CREB5: variants seen among roughly 807,000 people sequenced by gnomAD.
The protein encoded by CREB5 is cAMP responsive element binding protein 5, also known as cyclic AMP-responsive element-binding protein 5.
A neutral mutation model predicts 57.1 loss-of-function variants in CREB5; 19 were observed. The ratio of observed to expected loss-of-function variants is 0.33; its 90% CI spans 0.23 to 0.49. CREB5 has a LOEUF of 0.49. CREB5 is among the 20% of genes least tolerant of loss of function. CREB5 has a pLI of 0.99. For synonymous variants in CREB5, 238 were observed against 238.3 expected, an observed-to-expected ratio of 1.00 and a Z score of 0.01; for missense variants, 579 against 671.6, an observed-to-expected ratio of 0.86 and a Z score of 1.52.
chr7:28,325,221 C>A (rs1174011780), intron 1 of CREB5, among the ~76,000 whole-genome samples: 1 of 152,152 alleles, frequency 6.6e-6, no homozygotes, highest in Non-Finnish European at 1.5e-5. Flanking sequence ...CTTTGGGAGG[C>A]CGAGGTGGGT....
intron 7 of CREB5, among the ~76,000 whole-genome samples, chr7:28,745,759 G>C (rs77030562): frequency 0.036 from 5,463 of 152,254 alleles, 154 homozygotes; most frequent in African/African-American, 0.072. Flanking sequence ...CTTACCCCTG[G>C]CAGTCCTTGA....
At chr7:28,322,828 C>A (rs1455841549) in intron 1 of CREB5, among the ~76,000 whole-genome samples, 1 of 152,190 alleles carries the variant, frequency 6.6e-6, no homozygotes, top group Non-Finnish European at 1.5e-5. Context: ...ATATGTGCCA[C>A]ATTGTCTTTA....
upstream of CREB5, chr7:28,410,212 G>C (rs540085278): frequency 7.5e-5 from 34 of 452,850 alleles, no homozygotes; most frequent in Non-Finnish European, 1.2e-4. Flanking sequence ...CGCTCCAGGC[G>C]CTCCGGGCTG....
chr7:28,704,313 GT>G (rs1297560078), intron 5 of CREB5, among the ~76,000 whole-genome samples: 1 of 152,136 alleles, frequency 6.6e-6, no homozygotes, highest in African/African-American at 2.4e-5. Context: ...TCAGCTAAAT[GT>G]TACTTGCACT....
At chr7:28,329,069 ACT>A (rs1417496481) in intron 1 of CREB5, among the ~76,000 whole-genome samples, 6 of 152,062 alleles carry the variant, frequency 3.9e-5, no homozygotes, top group Non-Finnish European at 7.4e-5. Flanking sequence ...AACCCATGAA[ACT>A]CTCTGTTCAG....
chr7:28,410,572 C>T (rs1481544033), upstream of CREB5: 7 of 456,416 alleles, frequency 1.5e-5, no homozygotes, highest in East Asian at 4.9e-4. Flanking sequence ...TGTCCACACT[C>T]TCACCCCCAT....
rs1808950426 is a variant in CREB5, at chr7:28,809,265, G to T, written c.1105G>T (p.Val369Leu). Residue 369 changes from valine to leucine, a missense_variant, in exon 9 of 11, where the codon GTG becomes TTG. This residue lies in a region of CREB5 where 459 missense variants were observed against 515.7 expected (regional missense o/e 0.89). Transcript: ENST00000357727. Reference protein sequence around the residue: ...PQPTGGRRRRVVDEDPDERRR... With the variant: ...PQPTGGRRRRLVDEDPDERRR... Reference sequence around the variant, plus strand: ...GCCCACAGGGGGGCGCCGGCGAAGGGTGGTAGACGAGGATCCGGACGAGAG... The same window carrying T: ...GCCCACAGGGGGGCGCCGGCGAAGGTTGGTAGACGAGGATCCGGACGAGAG... 2 of 1,614,074 alleles carry T rather than the reference G, an allele frequency of 1.2e-6. No homozygotes were observed. Among genetic ancestry groups the T allele is most frequent in the Admixed American group, 1.7e-5 (1 of 60,010 alleles).
At chr7:28,654,077 T>C (rs1257375265) in intron 5 of CREB5, among the ~76,000 whole-genome samples, 2 of 152,202 alleles carry the variant, frequency 1.3e-5, no homozygotes, top group Non-Finnish European at 2.9e-5. Flanking sequence ...GTAGCCAATA[T>C]ACATTACACC....
chr7:28,786,137 C>A (rs1807311317), intron 7 of CREB5, among the ~76,000 whole-genome samples: 1 of 152,128 alleles, frequency 6.6e-6, no homozygotes. Context: ...GCCTTTCTCC[C>A]CACCTTTTCA....
At chr7:28,757,821 G>C (rs1313646424) in intron 7 of CREB5, among the ~76,000 whole-genome samples, 1 of 152,102 alleles carries the variant, frequency 6.6e-6, no homozygotes, top group African/African-American at 2.4e-5. Context: ...CATTACACCG[G>C]TTGAGCATCC....
At chr7:28,797,093 T>C (rs185826398) in intron 7 of CREB5, among the ~76,000 whole-genome samples, 184 of 152,362 alleles carry the variant, frequency 1.2e-3, no homozygotes, top group Middle Eastern at 0.01. Context: ...AATTAATATA[T>C]GATTTAGATA....
At chr7:28,657,854 G>A (rs6961531) in intron 5 of CREB5, among the ~76,000 whole-genome samples, 5,978 of 152,122 alleles carry the variant, frequency 0.039, 402 homozygotes, top group African/African-American at 0.14. Context: ...GCTCATTAGA[G>A]TACAGTTATA....
intron 5 of CREB5, among the ~76,000 whole-genome samples, chr7:28,679,625 T>C (rs1168142691): frequency 1.3e-5 from 2 of 152,202 alleles, no homozygotes; most frequent in African/African-American, 2.4e-5. Context: ...CCCTCATCCC[T>C]TGGAAAATCT....
intron 5 of CREB5, among the ~76,000 whole-genome samples, chr7:28,637,333 A>G (rs918769592): frequency 6.6e-6 from 1 of 152,160 alleles, no homozygotes; most frequent in African/African-American, 2.4e-5. Flanking sequence ...TTGAGAGGCC[A>G]TAGTTTGCTG....
intron 1 of CREB5, among the ~76,000 whole-genome samples, chr7:28,436,062 C>A (rs1202982157): frequency 1.3e-5 from 2 of 151,930 alleles, no homozygotes; most frequent in Non-Finnish European, 2.9e-5. Context: ...AAGCCTTTTT[C>A]TTTTGTTTTA....
chr7:28,489,540 A>G (rs1161796268), intron 2 of CREB5, among the ~76,000 whole-genome samples: 2 of 151,860 alleles, frequency 1.3e-5, no homozygotes, highest in African/African-American at 4.8e-5. Flanking sequence ...TGACCTCATG[A>G]TCCGCCTGCC....
chr7:28,657,937 C>T (rs1347597036), intron 5 of CREB5, among the ~76,000 whole-genome samples: 19 of 152,220 alleles, frequency 1.2e-4, no homozygotes, highest in Non-Finnish European at 1.5e-5. Flanking sequence ...TGTTTGCACA[C>T]AGAGAACACT....
At position 28,564,875 on chromosome 7, in the gene CREB5, C is replaced by G. The variant is rs563050039; in HGVS notation, c.292-5490C>G. ...AATCAACGTTTGTAGGTCCATGAATCAGAGTCTAAAAAGTCTGTTTGGATA... is the reference window on the plus strand; with the variant it reads ...AATCAACGTTTGTAGGTCCATGAATGAGAGTCTAAAAAGTCTGTTTGGATA... On this transcript the variant is annotated intron_variant, in intron 4 of 10. Transcript: ENST00000357727. Among the ~76,000 whole-genome samples, 91 of 152,310 alleles carry G rather than the reference C, an allele frequency of 6.0e-4. 1 individual carries two copies. In the Middle Eastern group the frequency reaches 0.017, roughly 28 times the overall value.
intron 1 of CREB5, among the ~76,000 whole-genome samples, chr7:28,380,991 G>A (rs1041644439): frequency 6.6e-6 from 1 of 152,074 alleles, no homozygotes; most frequent in Admixed American, 6.5e-5. Context: ...TCAGAACTAG[G>A]GATTAGTATA....
Sources: allele counts gnomAD v4.1 joint callset (sites outside exome capture counted in the v4.1 genomes callset), GRCh38; gene constraint gnomAD v4.1.1; regional missense constraint gnomAD v4.1.1; transcripts MANE v1.5; gene names NCBI Gene and HGNC (gene_info 2026-07-23, HGNC 2026-07-21).